LPAR3: variants seen among roughly 807,000 people sequenced by gnomAD.
The protein encoded by LPAR3 is lysophosphatidic acid receptor 3.
Under a neutral mutation model 17.8 loss-of-function variants are expected in LPAR3, and 7 were observed. The ratio of observed to expected loss-of-function variants is 0.39; its 90% CI spans 0.22 to 0.74. The LOEUF (loss-of-function observed/expected upper bound fraction) is 0.74. LPAR3 is among the 30% of genes least tolerant of loss of function. The pLI is 0.40. For missense variants in LPAR3, 391 were observed against 453.4 expected, an observed-to-expected ratio of 0.86 and a Z score of 1.25; for synonymous variants, 179 against 179.9, an observed-to-expected ratio of 0.99 and a Z score of 0.04.
chr1:84,882,693 C>T (rs957912347), intron 1 of LPAR3, among the ~76,000 whole-genome samples: 18 of 152,152 alleles, frequency 1.2e-4, no homozygotes, highest in African/African-American at 2.4e-4. Flanking sequence ...ACATAATCAA[C>T]GGATCTTTGA....
At chr1:84,854,847 A>G (rs532674002) in intron 2 of LPAR3, among the ~76,000 whole-genome samples, 8 of 152,336 alleles carry the variant, frequency 5.3e-5, no homozygotes, top group African/African-American at 1.7e-4. Context: ...AGAAGTTGGG[A>G]CCCACTAGAA....
intron 1 of LPAR3, among the ~76,000 whole-genome samples, chr1:84,882,958 C>T (rs1020808306): frequency 2.0e-5 from 3 of 152,146 alleles, no homozygotes; most frequent in Non-Finnish European, 2.9e-5. Context: ...ATCTACAAAA[C>T]GGGGATAATA....
chr1:84,852,236 C>T (rs1659730611), intron 2 of LPAR3, among the ~76,000 whole-genome samples: 1 of 151,716 alleles, frequency 6.6e-6, no homozygotes, highest in Non-Finnish European at 1.5e-5. Context: ...GTGTGCACCA[C>T]CACGCCTGGC....
At chr1:84,861,206 C>A (rs912187345) in intron 2 of LPAR3, among the ~76,000 whole-genome samples, 1 of 152,110 alleles carries the variant, frequency 6.6e-6, no homozygotes, top group Non-Finnish European at 1.5e-5. Context: ...ATGGTTAATG[C>A]CAGCACTGTT....
chr1:84,845,314 T>C (rs1469290528), intron 2 of LPAR3, among the ~76,000 whole-genome samples: 1 of 152,190 alleles, frequency 6.6e-6, no homozygotes, highest in Non-Finnish European at 1.5e-5. Flanking sequence ...CTCATAAGAA[T>C]ACACTCTAGG....
chr1:84,858,188 A>T (rs973734575), intron 2 of LPAR3, among the ~76,000 whole-genome samples: 10 of 152,174 alleles, frequency 6.6e-5, no homozygotes, highest in African/African-American at 2.2e-4. Flanking sequence ...TAAAATTATA[A>T]GATAAAACAA....
intron 1 of LPAR3, among the ~76,000 whole-genome samples, chr1:84,880,885 G>A (rs553055268): frequency 1.3e-5 from 2 of 152,302 alleles, no homozygotes; most frequent in African/African-American, 2.4e-5. Flanking sequence ...CTTCTGGGAG[G>A]CCCCACCCAG....
chr1:84,827,584 G>A (rs1659187757), intron 2 of LPAR3, among the ~76,000 whole-genome samples: 1 of 152,184 alleles, frequency 6.6e-6, no homozygotes. Context: ...TATGACTGGA[G>A]AGCTGCCCTT....
chr1:84,863,423 A>G (rs1417848932), intron 2 of LPAR3, among the ~76,000 whole-genome samples: 1 of 152,180 alleles, frequency 6.6e-6, no homozygotes, highest in Non-Finnish European at 1.5e-5. Flanking sequence ...AGGGGTACCA[A>G]CACTGCTAAT....
At chr1:84,836,149 C>A (rs2102752086) in intron 2 of LPAR3, among the ~76,000 whole-genome samples, 1 of 149,254 alleles carries the variant, frequency 6.7e-6, no homozygotes, top group East Asian at 2.0e-4. Flanking sequence ...CCAACCTGGG[C>A]AACATGGCAA....
At chr1:84,842,886 A>T (rs891269556) in intron 2 of LPAR3, among the ~76,000 whole-genome samples, 1 of 151,706 alleles carries the variant, frequency 6.6e-6, no homozygotes, top group Non-Finnish European at 1.5e-5. Flanking sequence ...AGCAAAGAAG[A>T]AAAAAAAAGA....
chr1:84,854,557 T>C (rs755933813), intron 2 of LPAR3, among the ~76,000 whole-genome samples: 5 of 152,308 alleles, frequency 3.3e-5, no homozygotes, highest in Admixed American at 2.0e-4. Flanking sequence ...CGTTGACTCA[T>C]AAATCTTGGT....
chr1:84,860,062 C>A (rs1339002555), intron 2 of LPAR3, among the ~76,000 whole-genome samples: 1 of 143,032 alleles, frequency 7.0e-6, no homozygotes, highest in Non-Finnish European at 1.6e-5. Context: ...ATTCAATAAG[C>A]AACTTTTTTC....
intron 2 of LPAR3, among the ~76,000 whole-genome samples, chr1:84,858,679 T>C (rs1050684982): frequency 3.3e-4 from 50 of 152,280 alleles, no homozygotes; most frequent in African/African-American, 1.2e-3. Context: ...ATTTATTCAT[T>C]GTAGTACATC....
At chr1:84,880,769 C>T (rs754594682) in intron 1 of LPAR3, among the ~76,000 whole-genome samples, 97 of 152,210 alleles carry the variant, frequency 6.4e-4, no homozygotes, top group Admixed American at 1.1e-3. Flanking sequence ...GAAAGGCCCA[C>T]GTTCATTCTC....
At position 84,847,317 on chromosome 1, in the gene LPAR3, G is replaced by A. The variant is rs1168410940; in HGVS notation, c.736+18068C>T. ...ACCTCAGTTGTTTCTTCAAAACAGG[G>A]ATGTCAGGGCTGTACTAGTGGATCA... is the stretch of plus-strand genomic sequence containing the variant. On this transcript the variant is annotated intron_variant, in intron 2 of 2. Coordinates refer to ENST00000370611, the MANE Select transcript of LPAR3 (RefSeq NM_012152.3). Among the ~76,000 whole-genome samples the A allele has an allele frequency of 3.9e-5, 6 of 152,218 alleles. No homozygotes were observed. In the East Asian group the frequency reaches 1.2e-3, roughly 29 times the overall value.
intron 1 of LPAR3, among the ~76,000 whole-genome samples, chr1:84,882,212 G>C (rs910390304): frequency 2.6e-5 from 4 of 151,948 alleles, no homozygotes; most frequent in Non-Finnish European, 5.9e-5. Context: ...TCCAAAAAAG[G>C]AAATTATGAA....
intron 2 of LPAR3, among the ~76,000 whole-genome samples, chr1:84,817,572 G>C (rs1557588156): frequency 6.6e-6 from 1 of 152,140 alleles, no homozygotes; most frequent in Non-Finnish European, 1.5e-5. Context: ...TCTGCTTAAG[G>C]CAACATCTCT....
chr1:84,829,365 G>C (rs1448845260), intron 2 of LPAR3, among the ~76,000 whole-genome samples: 1 of 151,802 alleles, frequency 6.6e-6, no homozygotes, highest in Non-Finnish European at 1.5e-5. Flanking sequence ...CCAAGAATTT[G>C]AATGTCTACC....
Sources: gnomAD v4.1 joint callset for allele counts (sites outside exome capture counted in the v4.1 genomes callset) on GRCh38, gnomAD v4.1.1 for gene constraint, MANE v1.5 for transcripts, NCBI Gene and HGNC (gene_info 2026-07-23, HGNC 2026-07-21) for gene names.